The following ELP4 variants were observed in gnomAD, a reference collection of about 807,000 sequenced individuals.
The protein encoded by ELP4 is elongator acetyltransferase complex subunit 4.
In ELP4, 51 loss-of-function variants were observed where a neutral mutation model predicts 48.9. The ratio of observed to expected loss-of-function variants is 1.04; its 90% CI spans 0.83 to 1.32. The LOEUF (loss-of-function observed/expected upper bound fraction) is 1.32, where lower values mean the gene tolerates loss of function less well. Ranked by LOEUF, ELP4 falls within the 40% of genes most tolerant of loss-of-function variation. The probability of loss-of-function intolerance (pLI) is 0.00; values close to 1 mark genes in which losing one functional copy is unlikely to be tolerated. For synonymous variants in ELP4, 210 were observed against 189.2 expected (o/e 1.11, Z -0.90); for missense variants, 519 against 514.6 (o/e 1.01, Z -0.08).
At chr11:31,551,622 G>A (rs1956853127) in intron 3 of ELP4, among the ~76,000 whole-genome samples, 1 of 151,996 alleles carries the variant, frequency 6.6e-6, no homozygotes, top group African/African-American at 2.4e-5. Context: ...CTTTTACCGT[G>A]AACTTTTTAA....
At chr11:31,555,652 T>TA (rs998112347) in intron 3 of ELP4, among the ~76,000 whole-genome samples, 7 of 151,842 alleles carry the variant, frequency 4.6e-5, no homozygotes, top group Admixed American at 4.6e-4. Flanking sequence ...AAGTAAGACT[T>TA]ATGAAAATTT....
intron 9 of ELP4, among the ~76,000 whole-genome samples, chr11:31,693,015 G>A (rs1476243750): frequency 2.0e-5 from 3 of 151,902 alleles, no homozygotes; most frequent in South Asian, 2.1e-4. Flanking sequence ...CTTGTTTATC[G>A]CTGATTCTTC....
intron 2 of ELP4, among the ~76,000 whole-genome samples, chr11:31,523,629 T>C (rs1272415665): frequency 6.6e-6 from 1 of 152,086 alleles, no homozygotes; most frequent in Admixed American, 6.5e-5. Flanking sequence ...TGTGAACAGA[T>C]GAAAGGAAAT....
intron 1 of ELP4, among the ~76,000 whole-genome samples, chr11:31,514,276 TAGAG>T (rs1442431037): frequency 2.0e-5 from 3 of 152,038 alleles, no homozygotes; most frequent in Non-Finnish European, 4.4e-5. Context: ...CTGGGCAACA[TAGAG>T]AGACCCTGGC....
intron 3 of ELP4, among the ~76,000 whole-genome samples, chr11:31,548,258 T>A (rs11031411): frequency 0.37 from 55,753 of 151,666 alleles, 12,840 homozygotes; most frequent in African/African-American, 0.65. Flanking sequence ...GCCCAAAATC[T>A]CCTTAGCGGA....
At chr11:31,777,355 A>G (rs1234393107) in intron 9 of ELP4, among the ~76,000 whole-genome samples, 1 of 152,162 alleles carries the variant, frequency 6.6e-6, no homozygotes, top group Non-Finnish European at 1.5e-5. Flanking sequence ...AGGGGAGACT[A>G]TGAACACATT....
intron 3 of ELP4, among the ~76,000 whole-genome samples, chr11:31,553,725 A>AACACACACACACACACACACACAC (rs56921821): frequency 5.0e-5 from 7 of 140,502 alleles, no homozygotes; most frequent in Middle Eastern, 3.5e-3. Flanking sequence ...TGCACACACA[A>AACACACACACACACACACACACAC]ACACACACAC....
At chr11:31,595,021 G>T (rs1403880270) in intron 4 of ELP4, 120 bp downstream of exon 4, 4 of 790,666 alleles carry the variant, frequency 5.1e-6, no homozygotes, top group Non-Finnish European at 7.4e-6. Context: ...TGTTTCATTT[G>T]TAGAGTATTT....
Position 31,725,624 on chromosome 11 carries a change from T to A in ELP4, c.1144-57769T>A, listed in dbSNP as rs527790457. Among the ~76,000 whole-genome samples the A allele has an allele frequency of 9.8e-4, 150 of 152,324 alleles. 1 individual carries two copies. The highest frequency in any genetic ancestry group is 1.5e-3 in the Non-Finnish European group (102 of 68,032). ...TGTCTCTTGGAGCCCCACCCAGCAC[T>A]TTTGAAACCAGCTTCACAAAATAAA... On this transcript the variant is annotated intron_variant, in intron 9 of 9. Coordinates refer to ENST00000640961, the MANE Select transcript of ELP4 (RefSeq NM_019040.5).
chr11:31,567,411 G>T (rs983282042), intron 3 of ELP4, among the ~76,000 whole-genome samples: 1 of 152,050 alleles, frequency 6.6e-6, no homozygotes, highest in Non-Finnish European at 1.5e-5. Flanking sequence ...TGGATTTTTG[G>T]CTGAAACATT....
In ELP4 at chr11:31,510,005, T is replaced by G. The variant is rs1173062346; in HGVS notation, c.221T>G (p.Leu74Ter). The change falls in exon 1 of 10, where the codon TTA (leucine) becomes TGA (stop). Residue 74 changes from leucine to a stop codon, truncating the protein, a stop_gained and splice_region_variant. Coordinates refer to ENST00000640961, the MANE Select transcript of ELP4 (RefSeq NM_019040.5). LOFTEE classifies it high-confidence loss of function. ...STGLPALDQL[L>*]GGGLAVGTVL... ...GGGCTCCCAGCCCTAGACCAGCTCT[T>G]AGGTCGGTTCAGAGCGGAGATCTGG... 1.2e-6 allele frequency: 2 copies of G among 1,610,848 alleles called. No individual in the cohort carries two copies. Among genetic ancestry groups the G allele is most frequent in the Non-Finnish European group, 1.7e-6 (2 of 1,179,526 alleles).
chr11:31,648,106 A>G lies in ELP4; in HGVS notation c.1036+257A>G, dbSNP rs114605813. The stretch of plus-strand genomic sequence containing the variant: ...AGTCAGGTGTATATTTTGTCATCCT[A>G]GTGGCTTAAGGTAGCCATGTAATCA... On this transcript the variant is annotated intron_variant, in intron 8 of 9. Coordinates refer to ENST00000640961, the MANE Select transcript of ELP4 (RefSeq NM_019040.5). 940 of 283,970 alleles carry G rather than the reference A, an allele frequency of 3.3e-3. 13 individuals are homozygous for G. Among genetic ancestry groups the G allele is most frequent in the African/African-American group, 0.02 (894 of 45,702 alleles). 17.6% of individuals were successfully genotyped at this position (283,970 alleles called of 1,614,324 possible). A position where few individuals can be genotyped will look rare whatever the true frequency, so the allele number is the denominator to read the frequency against.
intron 9 of ELP4, chr11:31,662,774 T>C (rs1287105420): frequency 2.6e-6 from 1 of 387,358 alleles, no homozygotes; most frequent in African/African-American, 2.1e-5. Context: ...TGCAATGTCT[T>C]TGACAAAATA....
intron 4 of ELP4, among the ~76,000 whole-genome samples, chr11:31,596,537 T>C (rs1483119170): frequency 1.3e-5 from 2 of 152,226 alleles, no homozygotes; most frequent in African/African-American, 4.8e-5. Context: ...CCAGCACTTA[T>C]GCTAATGCTC....
At chr11:31,516,681 G>C (rs1047265343) in intron 1 of ELP4, among the ~76,000 whole-genome samples, 11 of 152,106 alleles carry the variant, frequency 7.2e-5, no homozygotes, top group South Asian at 2.1e-4. Flanking sequence ...TTGTAGAGAT[G>C]GAGTTTTGCC....
At position 31,731,901 on chromosome 11, in the gene ELP4, A is replaced by C. The variant is rs75774160; in HGVS notation, c.1144-51492A>C. On this transcript the variant is annotated intron_variant, in intron 9 of 9. Transcript: ENST00000640961. ...GGAGGCAATATGAGAATGGGATAAT[A>C]TATTCAAAGTGCTGAATGAAAAAAA... Among the ~76,000 whole-genome samples the C allele has an allele frequency of 2.2e-3, 333 of 152,288 alleles. 3 individuals carry two copies. Among genetic ancestry groups the C allele is most frequent in the African/African-American group, 7.6e-3 (316 of 41,584 alleles).
intron 9 of ELP4, among the ~76,000 whole-genome samples, chr11:31,772,384 T>G (rs1229112287): frequency 6.6e-6 from 1 of 152,136 alleles, no homozygotes; most frequent in Non-Finnish European, 1.5e-5. Context: ...ACCTCCCAAG[T>G]GCTGGAATTA....
chr11:31,561,349 T>C (rs995673067), intron 3 of ELP4, among the ~76,000 whole-genome samples: 1 of 152,204 alleles, frequency 6.6e-6, no homozygotes, highest in Non-Finnish European at 1.5e-5. Context: ...GAAATATTAA[T>C]AGATGCCAAA....
Position 31,701,708 on chromosome 11 carries a change from T to A in ELP4, c.1143+51487T>A, listed in dbSNP as rs1440743973. ...TCATGGTTTTATAGACTAATATATA[T>A]ATAATAAATATATATACACACATTA... is the stretch of plus-strand genomic sequence containing the variant. On this transcript the variant is annotated intron_variant, in intron 9 of 9. Transcript: ENST00000640961. Among the ~76,000 whole-genome samples the A allele has an allele frequency of 2.0e-5, 3 of 149,750 alleles. No homozygotes were observed. The South Asian group carries it at 6.3e-4, about 31-fold the overall frequency.
Sources: allele counts gnomAD v4.1 joint callset (sites outside exome capture counted in the v4.1 genomes callset), GRCh38; gene constraint gnomAD v4.1.1; transcripts MANE v1.5; gene names NCBI Gene and HGNC (gene_info 2026-07-23, HGNC 2026-07-21).